Variants in CELF1 observed in about 807,000 individuals in gnomAD.
The protein encoded by CELF1 is CUGBP Elav-like family member 1, also known as 50 kDa nuclear polyadenylated RNA-binding protein.
In CELF1, 10 loss-of-function variants were observed where a neutral mutation model predicts 61.8. The observed-to-expected ratio is 0.16, with a 90% CI of 0.10 to 0.27. CELF1 has a LOEUF of 0.27. CELF1 is among the 10% of genes least tolerant of loss of function. The pLI is 1.00. For missense variants in CELF1, 380 were observed against 639.1 expected (o/e 0.59, Z 4.37); for synonymous variants, 236 against 225.1 (o/e 1.05, Z -0.43).
rs1036603418 is a variant in CELF1 at position 47,468,546 on chromosome 11, G to C, written c.*3684C>G. On this transcript the variant is annotated 3_prime_UTR_variant, in exon 15 of 15. Coordinates refer to ENST00000687097, the MANE Select transcript of CELF1 (RefSeq NM_001376376.1). ...TATGTGCTAGTAGGGCTGCTCTGAA[G>C]ACAATTACAAAGAATTGGAATCACA... is the stretch of plus-strand genomic sequence containing the variant. 1 of 152,622 alleles carries C rather than the reference G, an allele frequency of 6.6e-6. No individual in the cohort carries two copies. The highest frequency in any genetic ancestry group is 6.5e-5 in the Admixed American group (1 of 15,272). The allele number at this position is 152,622 out of a possible 1,614,324, so 9.5% of individuals were successfully genotyped here. A position where few individuals can be genotyped will look rare whatever the true frequency, so the allele number is the denominator to read the frequency against.
At position 47,499,569 on chromosome 11, in the gene CELF1, C is replaced by T. The variant is rs554649905; in HGVS notation, c.-46G>A. 6 of 1,433,460 alleles carry T rather than the reference C, an allele frequency of 4.2e-6. No homozygotes were observed. Among genetic ancestry groups the T allele is most frequent in the Admixed American group, 2.0e-5 (1 of 50,774 alleles). The allele number at this position is 1,433,460 out of a possible 1,614,324, so 88.8% of individuals were successfully genotyped here. A position where few individuals can be genotyped will look rare whatever the true frequency, so the allele number is the denominator to read the frequency against. On this transcript the variant is annotated 5_prime_UTR_variant, in exon 3 of 15. In the 5' UTR this introduces an upstream ATG that the reference lacks. Transcript: ENST00000687097. ...AAGCCAATGATATTAACTTGCTGCACTTGTCTGATCCACAAATACACACAG... is the reference window on the plus strand; with the variant it reads ...AAGCCAATGATATTAACTTGCTGCATTTGTCTGATCCACAAATACACACAG...
At chr11:47,561,227 G>A (rs1165853049) in intron 2 of CELF1, among the ~76,000 whole-genome samples, 1 of 150,014 alleles carries the variant, frequency 6.7e-6, no homozygotes. Flanking sequence ...GGTGGATCAC[G>A]AGGTCAGGAG....
intron 1 of CELF1, among the ~76,000 whole-genome samples, chr11:47,545,719 TG>T (rs1190089351): frequency 3.3e-5 from 5 of 151,966 alleles, no homozygotes; most frequent in African/African-American, 7.2e-5. Context: ...TTTGTAGAGA[TG>T]AGGTCTAGCT....
chr11:47,524,902 T>C (rs186554088), intron 1 of CELF1: 3 of 152,324 alleles, frequency 2.0e-5, no homozygotes, highest in Non-Finnish European at 2.9e-5. Context: ...AGGCTGGTAC[T>C]TGAAATAAGG....
chr11:47,543,953 T>C (rs1198837626), intron 1 of CELF1, among the ~76,000 whole-genome samples: 1 of 152,144 alleles, frequency 6.6e-6, no homozygotes, highest in Non-Finnish European at 1.5e-5. Flanking sequence ...ATCCAAAATA[T>C]TCATTTATAA....
intron 12 of CELF1, among the ~76,000 whole-genome samples, chr11:47,476,286 C>A (rs1596136580): frequency 6.6e-6 from 1 of 152,306 alleles, no homozygotes; most frequent in Non-Finnish European, 1.5e-5. Flanking sequence ...GCCACTGTAC[C>A]TGGCCTCATT....
At chr11:47,516,501 G>A (rs73461747) in intron 1 of CELF1, among the ~76,000 whole-genome samples, 3,175 of 152,172 alleles carry the variant, frequency 0.021, 128 homozygotes, top group African/African-American at 0.072. Context: ...TAAATCTTCC[G>A]GGTATTGCAG....
intron 3 of CELF1, among the ~76,000 whole-genome samples, chr11:47,492,660 A>T (rs1200607015): frequency 6.6e-6 from 1 of 152,094 alleles, no homozygotes; most frequent in Admixed American, 6.6e-5. Flanking sequence ...TGAACCTGGG[A>T]GGTGGAGGTT....
intron 1 of CELF1, among the ~76,000 whole-genome samples, chr11:47,513,332 T>G (rs1170768171): frequency 6.6e-6 from 1 of 152,248 alleles, no homozygotes; most frequent in Non-Finnish European, 1.5e-5. Flanking sequence ...ATTCCCCAGT[T>G]TATCTGGTGT....
chr11:47,541,798 G>T (rs147850410), intron 1 of CELF1, among the ~76,000 whole-genome samples: 1 of 97,698 alleles, frequency 1.0e-5, no homozygotes, highest in Non-Finnish European at 2.1e-5. Flanking sequence ...AAGAACGAAA[G>T]AAAGAAAGAA....
Position 47,483,501 on chromosome 11 carries a change from G to A in CELF1, c.558C>T (p.Ala186=). Residue 186 remains alanine, a synonymous_variant, in exon 8 of 15, where the codon GCC becomes GCT. Transcript: ENST00000687097. ...TTGCCTTGATAGCCGTCTGTGCCAT[G>A]GCTCTTGTTGTAAAAGTCACAAATG... ...GCAFVTFTTR[A]MAQTAIKAMH... 6.2e-7 allele frequency: 1 copy of A among 1,613,998 alleles called. No homozygotes were observed. The highest frequency in any genetic ancestry group is 8.5e-7 in the Non-Finnish European group (1 of 1,179,956).
At chr11:47,553,237 C>T, upstream of CELF1, 1 of 383,956 alleles carries the variant, frequency 2.6e-6, no homozygotes, top group Non-Finnish European at 4.6e-6. Flanking sequence ...CCCGCAGCGC[C>T]GATGCGAGCG....
At chr11:47,484,973 C>T (rs1469297377) in intron 6 of CELF1, among the ~76,000 whole-genome samples, 3 of 152,154 alleles carry the variant, frequency 2.0e-5, no homozygotes, top group South Asian at 2.1e-4. Context: ...CCACCACGCC[C>T]GGCTTCACGT....
At chr11:47,520,381 AAC>A (rs1381734419) in intron 1 of CELF1, among the ~76,000 whole-genome samples, 2 of 152,170 alleles carry the variant, frequency 1.3e-5, no homozygotes, top group African/African-American at 4.8e-5. Context: ...ATTTCTTTTG[AAC>A]AGACTTCTCT....
chr11:47,544,707 T>G (rs187932661), intron 1 of CELF1, among the ~76,000 whole-genome samples: 1 of 152,206 alleles, frequency 6.6e-6, no homozygotes, highest in African/African-American at 2.4e-5. Flanking sequence ...ATTATATTAA[T>G]AGCAATCAAC....
intron 1 of CELF1, among the ~76,000 whole-genome samples, chr11:47,528,728 A>G (rs947337083): frequency 5.3e-5 from 8 of 152,084 alleles, no homozygotes; most frequent in Non-Finnish European, 7.4e-5. Context: ...CAAAAAAACA[A>G]AAGCCACAAA....
Position 47,512,148 on chromosome 11 carries a change from G to A in CELF1, c.-153-11216C>T, listed in dbSNP as rs115772049. Among the ~76,000 whole-genome samples, 637 of 151,028 alleles carry A rather than the reference G, an allele frequency of 4.2e-3. 1 individual carries two copies. Among genetic ancestry groups the A allele is most frequent in the African/African-American group, 0.015 (624 of 41,112 alleles). On this transcript the variant is annotated intron_variant, in intron 1 of 14. Transcript: ENST00000687097. ...ATTACAGGAGTGAGCCACTGTGCCC[G>A]GTTTTTTGTTTTGTTTTGTTTTGAG... is the stretch of plus-strand genomic sequence containing the variant.
chr11:47,494,273 C>A lies in CELF1; in HGVS notation c.71+5180G>T, dbSNP rs1048214563. The A allele has an allele frequency of 4.0e-5, 21 of 524,086 alleles. No homozygotes were observed. In the African/African-American group the frequency reaches 4.4e-4, roughly 11 times the overall value. The allele number at this position is 524,086 out of a possible 1,614,324, so 32.5% of individuals were successfully genotyped here. A position where few individuals can be genotyped will look rare whatever the true frequency, so the allele number is the denominator to read the frequency against. On this transcript the variant is annotated intron_variant, in intron 3 of 14. Transcript: ENST00000687097. ...AGTGTTTTAGGGGAAAGGGATGAAACCTACCCCCTCTCTTTTTATGTTTCT... is the reference window on the plus strand; with the variant it reads ...AGTGTTTTAGGGGAAAGGGATGAAAACTACCCCCTCTCTTTTTATGTTTCT...
intron 5 of CELF1, 102 bp downstream of exon 5, chr11:47,487,057 A>G: frequency 3.2e-6 from 3 of 929,952 alleles, no homozygotes; most frequent in Non-Finnish European, 5.1e-6. Flanking sequence ...TGCAGCAGTT[A>G]CCTTTTCCCC....
Sources: allele counts gnomAD v4.1 joint callset (sites outside exome capture counted in the v4.1 genomes callset), GRCh38; gene constraint gnomAD v4.1.1; transcripts MANE v1.5; gene names NCBI Gene and HGNC (gene_info 2026-07-23, HGNC 2026-07-21).